Variants in MAP3K13 observed in about 807,000 individuals in gnomAD.
MAP3K13 encodes the protein leucine zipper-bearing kinase.
MAP3K13 carries 52 observed loss-of-function variants against 104.0 expected under a neutral mutation model. The observed-to-expected ratio is 0.50, with a 90% CI of 0.40 to 0.63. MAP3K13 has a LOEUF of 0.63. Ranked by LOEUF, MAP3K13 falls within the 20% of genes least tolerant of loss-of-function variation. The probability of loss-of-function intolerance (pLI) is 0.00; values close to 1 mark genes in which losing one functional copy is unlikely to be tolerated. For missense variants in MAP3K13, 914 were observed against 1,218.5 expected, an observed-to-expected ratio of 0.75 and a Z score of 3.72; for synonymous variants, 394 against 442.2, an observed-to-expected ratio of 0.89 and a Z score of 1.37.
At chr3:185,321,831 T>C (rs555875760) in intron 2 of MAP3K13, among the ~76,000 whole-genome samples, 33 of 152,354 alleles carry the variant, frequency 2.2e-4, no homozygotes, top group Admixed American at 1.5e-3. Context: ...TTGGAACTCT[T>C]GACCTCAGGT....
intron 2 of MAP3K13, among the ~76,000 whole-genome samples, chr3:185,307,547 T>TCCCC (rs1560041671): frequency 9.1e-6 from 1 of 110,230 alleles, no homozygotes; most frequent in Non-Finnish European, 1.7e-5. Flanking sequence ...CACCACCCCC[T>TCCCC]CCCCCGCCAC....
Position 185,418,327 on chromosome 3 carries a change from G to A in MAP3K13, c.-85-10170G>A. ...TTCAACTTTATCTTCAAATACCAAA[G>A]GAAGTTCAGGAACTTCCTCAATACG... On this transcript the variant is annotated intron_variant, in intron 1 of 13. Coordinates refer to ENST00000265026, the MANE Select transcript of MAP3K13 (RefSeq NM_004721.5). The surrounding 1 kb of genome is among the most constrained non-coding windows in gnomAD (Gnocchi z 4.5). 1.3e-6 allele frequency: 2 copies of A among 1,585,222 alleles called. No individual in the cohort carries two copies. The highest frequency in any genetic ancestry group is 1.7e-6 in the Non-Finnish European group (2 of 1,155,574).
In MAP3K13 at chr3:185,477,564, C is replaced by T. The variant is rs183958213; in HGVS notation, c.2501+168C>T. Among the ~76,000 whole-genome samples, 283 of 152,274 alleles carry T rather than the reference C, an allele frequency of 1.9e-3. 4 individuals carry two copies. Among genetic ancestry groups the T allele is most frequent in the Non-Finnish European group, 4.6e-4 (31 of 68,024 alleles). ...CTGTTGCTACATTTTGGCAGTTGTT[C>T]GTGCACAGCAGATCCTAGTTCATTA... On this transcript the variant is annotated intron_variant, in intron 12 of 13. Transcript: ENST00000265026.
At chr3:185,331,181 C>G (rs1722260395) in intron 2 of MAP3K13, among the ~76,000 whole-genome samples, 1 of 145,836 alleles carries the variant, frequency 6.9e-6, no homozygotes, top group Non-Finnish European at 1.5e-5. Context: ...GCAACCTCTG[C>G]CTCCCGGGTT....
chr3:185,322,705 C>T (rs940008262), intron 2 of MAP3K13, among the ~76,000 whole-genome samples: 6 of 152,168 alleles, frequency 3.9e-5, no homozygotes, highest in African/African-American at 1.2e-4. Flanking sequence ...CTCACATCCC[C>T]GGTGCCTTGC....
chr3:185,447,433 G>GCAGTC (rs1715649784), intron 4 of MAP3K13, among the ~76,000 whole-genome samples: 1 of 139,914 alleles, frequency 7.1e-6, no homozygotes, highest in African/African-American at 2.7e-5. Flanking sequence ...GGCAGAGGTT[G>GCAGTC]CAGTCAGCTG....
chr3:185,451,077 G>C (rs930403752), intron 6 of MAP3K13, among the ~76,000 whole-genome samples: 1 of 152,112 alleles, frequency 6.6e-6, no homozygotes, highest in Non-Finnish European at 1.5e-5. Flanking sequence ...GTGACAGAGC[G>C]AGACTCCGTC....
intron 2 of MAP3K13, among the ~76,000 whole-genome samples, chr3:185,357,988 A>G (rs1197849973): frequency 6.6e-6 from 1 of 152,206 alleles, no homozygotes; most frequent in South Asian, 2.1e-4. Context: ...ATTTAACATG[A>G]GGCTTTAATC....
intron 1 of MAP3K13, among the ~76,000 whole-genome samples, chr3:185,367,899 A>G (rs1298640637): frequency 3.9e-5 from 6 of 152,226 alleles, no homozygotes; most frequent in African/African-American, 1.4e-4. Context: ...CCCAGCCTAC[A>G]TGGCTATAAA....
intron 1 of MAP3K13, among the ~76,000 whole-genome samples, chr3:185,386,793 T>C (rs1394633463): frequency 6.6e-6 from 1 of 152,156 alleles, no homozygotes; most frequent in Non-Finnish European, 1.5e-5. Flanking sequence ...AGCAAACTAA[T>C]GCAGGAATAG....
intron 1 of MAP3K13, among the ~76,000 whole-genome samples, chr3:185,368,859 T>G (rs1214890700): frequency 6.6e-6 from 1 of 151,034 alleles, no homozygotes; most frequent in Non-Finnish European, 1.5e-5. Context: ...CTCGGGAGGC[T>G]GAGGCAGAAG....
At chr3:185,337,949 A>G (rs1421052132) in intron 2 of MAP3K13, among the ~76,000 whole-genome samples, 3 of 152,186 alleles carry the variant, frequency 2.0e-5, no homozygotes, top group Admixed American at 6.5e-5. Flanking sequence ...GACCATAAAA[A>G]GTCATTCACT....
chr3:185,385,786 T>C (rs1711652498), intron 1 of MAP3K13, among the ~76,000 whole-genome samples: 1 of 152,150 alleles, frequency 6.6e-6, no homozygotes, highest in African/African-American at 2.4e-5. Context: ...GCTGATCACC[T>C]GAGGTCAGGA....
chr3:185,320,115 C>T (rs927260497), intron 2 of MAP3K13, among the ~76,000 whole-genome samples: 1 of 147,138 alleles, frequency 6.8e-6, no homozygotes, highest in African/African-American at 2.5e-5. Flanking sequence ...GAGTCTTGCT[C>T]TGTCGCCCAG....
intron 1 of MAP3K13, among the ~76,000 whole-genome samples, chr3:185,385,673 A>G (rs1017153581): frequency 6.6e-6 from 1 of 152,226 alleles, no homozygotes; most frequent in African/African-American, 2.4e-5. Flanking sequence ...AATCCCCAAC[A>G]TAACACTAGG....
intron 1 of MAP3K13, among the ~76,000 whole-genome samples, chr3:185,369,728 T>TCAC (rs1452947686): frequency 6.6e-6 from 1 of 152,256 alleles, no homozygotes; most frequent in Non-Finnish European, 1.5e-5. Flanking sequence ...AGTTTCACAC[T>TCAC]CACCACCTTG....
At chr3:185,382,770 C>A (rs938163427) in intron 1 of MAP3K13, among the ~76,000 whole-genome samples, 2 of 152,082 alleles carry the variant, frequency 1.3e-5, no homozygotes, top group African/African-American at 4.8e-5. Context: ...TTTGGGTAGG[C>A]CGAGGCGGGT....
intron 10 of MAP3K13, among the ~76,000 whole-genome samples, 198 bp from the exon 11 acceptor site, chr3:185,472,777 T>G (rs1388313086): frequency 6.6e-6 from 1 of 152,174 alleles, no homozygotes; most frequent in Non-Finnish European, 1.5e-5. Context: ...TGCAAAAAAT[T>G]TTGAGATCCA....
chr3:185,433,331 G>A (rs933953072), intron 2 of MAP3K13, among the ~76,000 whole-genome samples: 1 of 152,182 alleles, frequency 6.6e-6, no homozygotes, highest in African/African-American at 2.4e-5. Context: ...GAAGATAAAC[G>A]CTGGGGAAGA....
Sources: allele counts gnomAD v4.1 joint callset (sites outside exome capture counted in the v4.1 genomes callset), GRCh38; gene constraint gnomAD v4.1.1; non-coding constraint Gnocchi (gnomAD v3.1); transcripts MANE v1.5; gene names NCBI Gene and HGNC (gene_info 2026-07-23, HGNC 2026-07-21).